Variants in DMD observed in about 807,000 individuals in gnomAD.
The protein encoded by DMD is mutant dystrophin.
In DMD, 63 loss-of-function variants were observed where a neutral mutation model predicts 330.1. That is an observed-to-expected ratio of 0.19 (90% CI 0.16 to 0.24). The LOEUF is 0.24. DMD is among the 10% of genes least tolerant of loss of function. The pLI is 1.00. For missense variants in DMD, 3,344 were observed against 2,684.1 expected (o/e 1.25, Z -5.43); for synonymous variants, 1,223 against 959.8 (o/e 1.27, Z -5.07).
intron 27 of DMD, among the ~76,000 whole-genome samples, chrX:32,443,984 T>C (rs1482245532): frequency 9.0e-6 from 1 of 110,566 alleles, no homozygotes; most frequent in Non-Finnish European, 1.9e-5. Context: ...ATATAGAACC[T>C]CAGGTGTGAG....
chrX:32,324,197 T>G (rs1363111884), intron 41 of DMD, among the ~76,000 whole-genome samples: 1 of 111,655 alleles, frequency 9.0e-6, no homozygotes, highest in Non-Finnish European at 1.9e-5. Context: ...ATGGATACCC[T>G]AACTATCCTG....
intron 27 of DMD, among the ~76,000 whole-genome samples, chrX:32,446,231 A>C (rs1411150542): frequency 9.0e-6 from 1 of 110,885 alleles, no homozygotes; most frequent in East Asian, 2.8e-4. Flanking sequence ...AAGCAAATTT[A>C]CACACAGACA....
At chrX:32,906,613 G>T (rs1235870573) in intron 2 of DMD, among the ~76,000 whole-genome samples, 2 of 111,821 alleles carry the variant, frequency 1.8e-5, no homozygotes, top group Non-Finnish European at 3.8e-5. Flanking sequence ...GTCCAGTTAT[G>T]TAGGTCAAGG....
chrX:32,783,456 TAAA>T (rs947210786), intron 7 of DMD, among the ~76,000 whole-genome samples: 1 of 107,100 alleles, frequency 9.3e-6, no homozygotes, highest in East Asian at 3.0e-4. Context: ...GTTTCCCAAA[TAAA>T]AAAATATTCA....
At chrX:31,950,414 T>C (rs924311247) in intron 45 of DMD, among the ~76,000 whole-genome samples, 3 of 111,488 alleles carry the variant, frequency 2.7e-5, no homozygotes, top group Admixed American at 9.5e-5. Flanking sequence ...GCATAGAATC[T>C]ATCCCAGAGA....
At chrX:31,539,012 G>A (rs770568053) in intron 55 of DMD, among the ~76,000 whole-genome samples, 4 of 111,579 alleles carry the variant, frequency 3.6e-5, no homozygotes, top group African/African-American at 6.5e-5. Context: ...GATTATTCTC[G>A]TATTCTTAAA....
intron 44 of DMD, among the ~76,000 whole-genome samples, chrX:32,046,487 T>G (rs1950547038): frequency 8.9e-6 from 1 of 112,800 alleles, no homozygotes; most frequent in Non-Finnish European, 1.9e-5. Flanking sequence ...TTGCATTTCA[T>G]ATTTTGGGCC....
intron 44 of DMD, among the ~76,000 whole-genome samples, chrX:32,160,732 T>G (rs765906916): frequency 9.0e-6 from 1 of 111,555 alleles, no homozygotes; most frequent in Non-Finnish European, 1.9e-5. Context: ...GATGTAGTTT[T>G]GTAGAATTGT....
chrX:32,660,171 A>G (rs1335041785), intron 9 of DMD, among the ~76,000 whole-genome samples: 2 of 111,117 alleles, frequency 1.8e-5, no homozygotes, highest in African/African-American at 3.3e-5. Context: ...TTTCAGAAAA[A>G]TAAAAGTATG....
intron 55 of DMD, among the ~76,000 whole-genome samples, chrX:31,575,848 C>A (rs2076070077): frequency 8.9e-6 from 1 of 111,935 alleles, no homozygotes; most frequent in African/African-American, 3.2e-5. Flanking sequence ...TGTATCATAG[C>A]ATATGTTGGC....
At chrX:32,157,761 A>G (rs1346344732) in intron 44 of DMD, among the ~76,000 whole-genome samples, 1 of 112,173 alleles carries the variant, frequency 8.9e-6, no homozygotes, top group Non-Finnish European at 1.9e-5. Flanking sequence ...GCCAGCTCTC[A>G]GATGAAGGTA....
intron 43 of DMD, among the ~76,000 whole-genome samples, chrX:32,244,225 CT>C (rs769117856): frequency 2.8e-5 from 3 of 105,610 alleles, no homozygotes; most frequent in Non-Finnish European, 5.8e-5. Context: ...GTTTTTTGTT[CT>C]TGCGATAGTT....
chrX:32,394,478 T>C (rs1278392634), intron 30 of DMD, among the ~76,000 whole-genome samples: 1 of 112,306 alleles, frequency 8.9e-6, no homozygotes, highest in Non-Finnish European at 1.9e-5. Flanking sequence ...TTCTCATTTC[T>C]TCAGTAGTCA....
intron 41 of DMD, among the ~76,000 whole-genome samples, chrX:32,316,391 C>A (rs2097582498): frequency 9.0e-6 from 1 of 111,302 alleles, no homozygotes; most frequent in African/African-American, 3.3e-5. Context: ...ATTACAATTA[C>A]CTATGGGCAA....
At chrX:32,301,639 C>G (rs1291419781) in intron 42 of DMD, among the ~76,000 whole-genome samples, 2 of 110,655 alleles carry the variant, frequency 1.8e-5, no homozygotes, top group Non-Finnish European at 3.8e-5. Context: ...TACAAACTAA[C>G]TTTTTTAAAT....
Position 32,645,140 on chromosome X carries a change from G to A in DMD, c.973C>T (p.Pro325Ser). Reference sequence around the variant, plus strand: ...GAACTGCCAAATGACTTGTCTTCAGGAGCTTCCAAATGCTGCACAATAAAA... The same window carrying A: ...GAACTGCCAAATGACTTGTCTTCAGAAGCTTCCAAATGCTGCACAATAAAA... ...SPFPSQHLEA[P>S]EDKSFGSSLM... is the part of the protein sequence containing the mutation. Residue 325 changes from proline (P) to serine (S), a missense_variant, in exon 10 of 79, where the codon CCT (proline) becomes TCT (serine). Transcript: ENST00000357033. 1 of 1,211,246 alleles carries A rather than the reference G, an allele frequency of 8.3e-7. No homozygotes were observed. The highest frequency in any genetic ancestry group is 1.8e-5 in the South Asian group (1 of 56,968).
intron 67 of DMD, among the ~76,000 whole-genome samples, chrX:31,202,040 C>CCA (rs2043530912): frequency 9.0e-6 from 1 of 110,580 alleles, no homozygotes; most frequent in South Asian, 3.9e-4. Context: ...AAAAAATTAG[C>CCA]CAGGCATGGT....
intron 42 of DMD, among the ~76,000 whole-genome samples, chrX:32,299,648 A>G (rs2097513694): frequency 9.0e-6 from 1 of 110,638 alleles, no homozygotes; most frequent in Non-Finnish European, 1.9e-5. Context: ...GACTTCAACT[A>G]TGATATTTAA....
chrX:32,691,169 G>T (rs2063252001), intron 9 of DMD, among the ~76,000 whole-genome samples: 1 of 110,584 alleles, frequency 9.0e-6, no homozygotes. Context: ...TACATTCTAA[G>T]TTATCAAAAA....
Sources: allele counts gnomAD v4.1 joint callset (sites outside exome capture counted in the v4.1 genomes callset), GRCh38; gene constraint gnomAD v4.1.1; transcripts MANE v1.5; gene names NCBI Gene and HGNC (gene_info 2026-07-23, HGNC 2026-07-21).